IL1RAP: variants seen among roughly 807,000 people sequenced by gnomAD.
IL1RAP encodes the protein interleukin-1 receptor accessory protein.
IL1RAP carries 35 observed loss-of-function variants against 60.7 expected under a neutral mutation model. The observed-to-expected ratio is 0.58, with a 90% CI of 0.44 to 0.76. The LOEUF (loss-of-function observed/expected upper bound fraction) is 0.76. Ranked by LOEUF, IL1RAP falls within the 30% of genes least tolerant of loss-of-function variation. The pLI is 0.00. For synonymous variants in IL1RAP, 268 were observed against 250.9 expected (o/e 1.07, Z -0.64); for missense variants, 572 against 693.9 (o/e 0.82, Z 1.97).
intron 1 of IL1RAP, among the ~76,000 whole-genome samples, chr3:190,534,935 G>T (rs367999485): frequency 3.7e-5 from 5 of 136,586 alleles, no homozygotes; most frequent in Non-Finnish European, 4.6e-5. Context: ...AAAAAAAAAA[G>T]AAAACCAGCA....
chr3:190,648,339 T>G lies in IL1RAP; in HGVS notation c.1347T>G (p.Ile449Met). 1 of 1,575,312 alleles carries G rather than the reference T, an allele frequency of 6.3e-7. No homozygotes were observed. Among genetic ancestry groups the G allele is most frequent in the Non-Finnish European group, 8.6e-7 (1 of 1,167,598 alleles). The change falls in exon 12 of 12, where the codon ATT becomes ATG. Residue 449 changes from isoleucine (I) to methionine (M), a missense_variant and splice_region_variant. Coordinates refer to ENST00000447382, the MANE Select transcript of IL1RAP (RefSeq NM_002182.4). ...IFDRDSLPGG[I>M]VTDETLSFIQ... ...CCCCATGGTTGTTTTCTTTCCCAGT[T>G]GTCACAGATGAGACTTTGAGCTTCA...
rs377063527 is a variant in IL1RAP, at chr3:190,650,756, TC to T, written c.*2054del. The T allele has an allele frequency of 7.3e-4, 720 of 983,134 alleles. 4 individuals are homozygous for T. The African/African-American group carries it at 0.012, about 16-fold the overall frequency. 60.9% of individuals were successfully genotyped at this position (983,134 alleles called of 1,614,324 possible). On this transcript the variant is annotated 3_prime_UTR_variant, in exon 12 of 12. Transcript: ENST00000447382. ...TTTCCCTATTAGAAACCACAATTAC[TC>T]CCTCTATTAACCCTTCACTTACTAG...
At chr3:190,525,830 TA>T (rs1253409272) in intron 1 of IL1RAP, among the ~76,000 whole-genome samples, 1 of 152,250 alleles carries the variant, frequency 6.6e-6, no homozygotes, top group African/African-American at 2.4e-5. Flanking sequence ...ATGTATGCAC[TA>T]TTGCTCAATT....
chr3:190,598,409 A>G (rs751080678), intron 3 of IL1RAP, among the ~76,000 whole-genome samples: 1 of 152,176 alleles, frequency 6.6e-6, no homozygotes, highest in Non-Finnish European at 1.5e-5. Context: ...TAAAATATAA[A>G]ATCAAAAATT....
downstream of IL1RAP, among the ~76,000 whole-genome samples, chr3:190,653,082 T>G (rs1275449006): frequency 6.6e-6 from 1 of 152,188 alleles, no homozygotes; most frequent in Non-Finnish European, 1.5e-5. Context: ...GATGGAGTGT[T>G]TTAGTAGTAA....
At chr3:190,606,906 G>A (rs185728860) in intron 4 of IL1RAP, among the ~76,000 whole-genome samples, 72 of 152,004 alleles carry the variant, frequency 4.7e-4, no homozygotes, top group African/African-American at 1.7e-3. Context: ...TTCAACTTTG[G>A]GAGCTAAAAA....
intron 9 of IL1RAP, among the ~76,000 whole-genome samples, chr3:190,632,899 T>C (rs947991225): frequency 1.3e-5 from 2 of 152,232 alleles, no homozygotes; most frequent in Non-Finnish European, 2.9e-5. Context: ...AAATTAATTC[T>C]ATGAATATAG....
At chr3:190,628,628 A>G (rs1732517380) in intron 8 of IL1RAP, among the ~76,000 whole-genome samples, 1 of 152,176 alleles carries the variant, frequency 6.6e-6, no homozygotes, top group Non-Finnish European at 1.5e-5. Flanking sequence ...AGAGTTGGAT[A>G]TATTTATTTT....
chr3:190,618,257 C>T (rs992417572), intron 5 of IL1RAP, among the ~76,000 whole-genome samples: 16 of 152,164 alleles, frequency 1.1e-4, no homozygotes, highest in African/African-American at 3.6e-4. Context: ...AGTTACTTAA[C>T]GTTTCTAGGC....
chr3:190,635,577 C>T (rs886374507), intron 9 of IL1RAP, among the ~76,000 whole-genome samples: 2 of 152,166 alleles, frequency 1.3e-5, no homozygotes, highest in Admixed American at 6.5e-5. Flanking sequence ...AAAATACTTT[C>T]TAATTTCTGT....
chr3:190,612,153 G>T (rs1039593636), intron 5 of IL1RAP, among the ~76,000 whole-genome samples: 4 of 152,078 alleles, frequency 2.6e-5, no homozygotes, highest in African/African-American at 9.7e-5. Context: ...GAGTAGCTGT[G>T]CATGAAATAA....
intron 1 of IL1RAP, among the ~76,000 whole-genome samples, chr3:190,548,700 T>C (rs1485319715): frequency 1.3e-5 from 2 of 152,154 alleles, no homozygotes; most frequent in Non-Finnish European, 2.9e-5. Context: ...CCCAGAGGTT[T>C]TAGAAAAGGA....
intron 1 of IL1RAP, among the ~76,000 whole-genome samples, chr3:190,546,176 G>C (rs1724354191): frequency 6.6e-6 from 1 of 152,194 alleles, no homozygotes; most frequent in Non-Finnish European, 1.5e-5. Flanking sequence ...GAACCTGCAA[G>C]ATAACATTCA....
downstream of IL1RAP, chr3:190,656,284 C>G (rs1734617416): frequency 6.5e-7 from 1 of 1,537,220 alleles, no homozygotes; most frequent in African/African-American, 1.4e-5. Context: ...GAAAGAGCCC[C>G]CAGAACTTCA....
intron 10 of IL1RAP, 130 bp from the exon 11 acceptor site, chr3:190,645,569 C>A (rs1226926119): frequency 1.5e-6 from 1 of 686,672 alleles, no homozygotes; most frequent in East Asian, 2.6e-5. Flanking sequence ...AGACTTGTTG[C>A]AAGTAGAAAA....
At chr3:190,521,289 A>G (rs1721994217) in intron 1 of IL1RAP, among the ~76,000 whole-genome samples, 1 of 152,062 alleles carries the variant, frequency 6.6e-6, no homozygotes, top group Non-Finnish European at 1.5e-5. Flanking sequence ...GCAAATGTAT[A>G]CACATGTAAC....
At chr3:190,547,444 C>T (rs970000890) in intron 1 of IL1RAP, among the ~76,000 whole-genome samples, 1 of 152,192 alleles carries the variant, frequency 6.6e-6, no homozygotes, top group Non-Finnish European at 1.5e-5. Flanking sequence ...CACAGACTCA[C>T]ACAGACCTCC....
At chr3:190,652,923 A>AT (rs999916804), downstream of IL1RAP, among the ~76,000 whole-genome samples, 1 of 151,648 alleles carries the variant, frequency 6.6e-6, no homozygotes, top group African/African-American at 2.4e-5. Flanking sequence ...AACTCTCAAG[A>AT]TTTTTTTTTC....
chr3:190,599,045 T>A (rs1475485622), intron 3 of IL1RAP, among the ~76,000 whole-genome samples: 1 of 152,186 alleles, frequency 6.6e-6, no homozygotes, highest in Non-Finnish European at 1.5e-5. Context: ...TTCACACTGT[T>A]AATGACATCA....
Sources: gnomAD v4.1 joint callset for allele counts (sites outside exome capture counted in the v4.1 genomes callset) on GRCh38, gnomAD v4.1.1 for gene constraint, MANE v1.5 for transcripts, NCBI Gene and HGNC (gene_info 2026-07-23, HGNC 2026-07-21) for gene names.